The following WDR1 variants were observed in gnomAD, a reference collection of about 807,000 sequenced individuals.
WDR1 encodes the protein WD repeat-containing protein 1.
Under a neutral mutation model 71.9 loss-of-function variants are expected in WDR1, and 21 were observed. The observed-to-expected ratio is 0.29, with a 90% confidence interval of 0.21 to 0.42. The LOEUF (loss-of-function observed/expected upper bound fraction) is 0.42. Ranked by LOEUF, WDR1 falls within the 10% of genes least tolerant of loss-of-function variation. The pLI is 1.00. For synonymous variants in WDR1, 424 were observed against 347.4 expected (o/e 1.22, Z -2.45); for missense variants, 696 against 824.5 (o/e 0.84, Z 1.91).
rs963081176 is a variant in WDR1, at chr4:10,088,928, C to T, written c.559-187G>A. 3.3e-5 allele frequency among the ~76,000 whole-genome samples: 5 copies of T among 152,206 alleles called. No individual in the cohort carries two copies. In the East Asian group the frequency reaches 5.8e-4, roughly 18 times the overall value. On this transcript the variant is annotated intron_variant, in intron 5 of 14. Coordinates refer to ENST00000499869, the MANE Select transcript of WDR1 (RefSeq NM_017491.5). ...CTTAGTGGAGGGGCAGGAGTCTGCT[C>T]CAGCCTGCCTGCCATGCTGACCGCT...
rs879328814 is a variant in WDR1, at chr4:10,088,525, C to T, written c.636+139G>A. 18 of 1,115,062 alleles carry T rather than the reference C, an allele frequency of 1.6e-5. No individual in the cohort carries two copies. In the Admixed American group the frequency reaches 1.8e-4, roughly 11 times the overall value. 69.1% of individuals were successfully genotyped at this position (1,115,062 alleles called of 1,614,324 possible). ...CAGACATGCATTTACTGGGCTCTGACGACGAGTCTGCAGATGTGGGGAGGG... is the reference window on the plus strand; with the variant it reads ...CAGACATGCATTTACTGGGCTCTGATGACGAGTCTGCAGATGTGGGGAGGG... On this transcript the variant is annotated intron_variant, in intron 6 of 14. Transcript: ENST00000499869.
chr4:10,098,931 T>C, intron 4 of WDR1, 61 bp downstream of exon 4: 5 of 1,602,980 alleles, frequency 3.1e-6, no homozygotes, highest in Non-Finnish European at 2.6e-6. Flanking sequence ...CCCAGGGTCA[T>C]AGCACATGGA....
At chr4:10,116,331 C>T (rs753601064) in intron 1 of WDR1, 97 bp from the exon 2 acceptor site, 2 of 1,525,196 alleles carry the variant, frequency 1.3e-6, no homozygotes, top group Non-Finnish European at 1.8e-6. Flanking sequence ...GGCCGGTCAC[C>T]TGTTGACTGC....
At chr4:10,108,427 C>G (rs574408197) in intron 2 of WDR1, 1 of 152,202 alleles carries the variant, frequency 6.6e-6, no homozygotes, top group African/African-American at 2.4e-5. Context: ...CAGCAGATGA[C>G]GACACAACAC....
At chr4:10,087,602 C>G (rs1711666136) in intron 8 of WDR1, 105 bp downstream of exon 8, 1 of 1,157,934 alleles carries the variant, frequency 8.6e-7, no homozygotes, top group African/African-American at 1.5e-5. Flanking sequence ...GAGGACACCT[C>G]TCTAGCTTCC....
At position 10,116,671 on chromosome 4, in the gene WDR1, G is replaced by A. The variant is rs1713761931; in HGVS notation, c.-5C>T. ...CTTACTGATCTCGTACGGCATCCTC[G>A]CCCACTTGTTACCGCGCCGCGCTCG... is the stretch of plus-strand genomic sequence containing the variant. On this transcript the variant is annotated 5_prime_UTR_variant, in exon 1 of 15. Coordinates refer to ENST00000499869, the MANE Select transcript of WDR1 (RefSeq NM_017491.5). 4.4e-6 allele frequency: 6 copies of A among 1,348,880 alleles called. No homozygotes were observed. The highest frequency in any genetic ancestry group is 5.8e-6 in the Non-Finnish European group (6 of 1,042,806). The allele number at this position is 1,348,880 out of a possible 1,614,324, so 83.6% of individuals were successfully genotyped here.
chr4:10,082,929 G>A, intron 10 of WDR1, 93 bp downstream of exon 10: 1 of 1,460,994 alleles, frequency 6.8e-7, no homozygotes, highest in South Asian at 1.3e-5. Context: ...GAGCAAGTGA[G>A]GCGTCCTCCA....
chr4:10,113,646 C>T (rs1439970799), intron 2 of WDR1, among the ~76,000 whole-genome samples: 6 of 152,114 alleles, frequency 3.9e-5, no homozygotes, highest in Non-Finnish European at 8.8e-5. Flanking sequence ...GTTTGGTTTT[C>T]GGGAGTCTGG....
intron 5 of WDR1, chr4:10,095,938 T>G (rs900551155): frequency 1.3e-5 from 2 of 152,316 alleles, no homozygotes; most frequent in Non-Finnish European, 2.9e-5. Flanking sequence ...CACATGGTGG[T>G]ACCCACCCTG....
chr4:10,077,743 C>T lies in WDR1; in HGVS notation c.1569+10G>A, dbSNP rs775739646. 1.6e-5 allele frequency: 25 copies of T among 1,566,834 alleles called. No individual in the cohort carries two copies. The highest frequency in any genetic ancestry group is 1.9e-5 in the Non-Finnish European group (22 of 1,155,076). On this transcript the variant is annotated intron_variant, in intron 13 of 14. Coordinates refer to ENST00000499869, the MANE Select transcript of WDR1 (RefSeq NM_017491.5). ...GCACGGGGACAGAGGAGGAGCCCGC[C>T]GCCACTCACCGAGTAGCCGTCAGCA...
chr4:10,091,658 C>T (rs1001962651), intron 5 of WDR1: 1 of 152,378 alleles, frequency 6.6e-6, no homozygotes, highest in Admixed American at 6.5e-5. Context: ...ATCCCTAACT[C>T]CGCAGGCCCA....
intron 14 of WDR1, chr4:10,076,243 C>G (rs1465590049): frequency 1.3e-5 from 2 of 152,496 alleles, no homozygotes; most frequent in Non-Finnish European, 2.9e-5. Flanking sequence ...CCTTGGCCTG[C>G]GGGTGGCACA....
intron 14 of WDR1, 36 bp from the exon 15 acceptor site, chr4:10,075,520 A>T: frequency 6.3e-7 from 1 of 1,583,022 alleles, no homozygotes. Context: ...GAAAAGCCAA[A>T]CTTCTCTGCA....
chr4:10,109,860 G>A (rs755903590), intron 2 of WDR1, among the ~76,000 whole-genome samples: 3 of 152,224 alleles, frequency 2.0e-5, no homozygotes, highest in Non-Finnish European at 4.4e-5. Flanking sequence ...ACCCAACAGG[G>A]CAGTCATGAA....
In WDR1 at chr4:10,083,224, G is replaced by A. The variant is rs775268999; in HGVS notation, c.1040-46C>T. 8.8e-6 allele frequency: 14 copies of A among 1,586,522 alleles called. 1 individual carries two copies. In the South Asian group the frequency reaches 1.5e-4, roughly 17 times the overall value. ...AGCCCGGCTCCCAGGACTGCTGGGT[G>A]TTCTCAGGTGTGGCTTCAGTCCTAA... On this transcript the variant is annotated intron_variant, in intron 9 of 14. Coordinates refer to ENST00000499869, the MANE Select transcript of WDR1 (RefSeq NM_017491.5).
intron 2 of WDR1, among the ~76,000 whole-genome samples, chr4:10,105,242 T>A (rs1029192602): frequency 6.6e-6 from 1 of 152,122 alleles, no homozygotes; most frequent in African/African-American, 2.4e-5. Context: ...CACATCATAG[T>A]CCCTAGCATT....
Position 10,112,059 on chromosome 4 carries a change from CT to C in WDR1, c.138+4053del, listed in dbSNP as rs1201783605. 5.3e-4 allele frequency among the ~76,000 whole-genome samples: 77 copies of C among 146,478 alleles called. 1 individual carries two copies. The highest frequency in any genetic ancestry group is 8.2e-4 in the African/African-American group (33 of 40,154). On this transcript the variant is annotated intron_variant, in intron 2 of 14. Transcript: ENST00000499869. ...GGCCTCTGTTGTGAGGCAAAAGTTG[CT>C]TTTTTTTTTTCTTTTTCTAAACAGG...
intron 5 of WDR1, chr4:10,092,323 C>T (rs1415452374): frequency 1.3e-5 from 2 of 152,300 alleles, no homozygotes; most frequent in Admixed American, 6.5e-5. Context: ...ACTAATCAGC[C>T]ACTGTTCAAT....
At chr4:10,101,370 C>T (rs1469288192) in intron 3 of WDR1, among the ~76,000 whole-genome samples, 1 of 152,266 alleles carries the variant, frequency 6.6e-6, no homozygotes, top group Non-Finnish European at 1.5e-5. Context: ...TGGGCCAGCA[C>T]GGCTCTTTCT....
Sources: gnomAD v4.1 joint callset for allele counts (sites outside exome capture counted in the v4.1 genomes callset) on GRCh38, gnomAD v4.1.1 for gene constraint, MANE v1.5 for transcripts, NCBI Gene and HGNC (gene_info 2026-07-23, HGNC 2026-07-21) for gene names.